Variants in ADGRL4 observed in about 807,000 individuals in gnomAD.
ADGRL4 encodes the protein adhesion G protein-coupled receptor L4.
ADGRL4 carries 90 observed loss-of-function variants against 74.8 expected under a neutral mutation model. That is an observed-to-expected ratio of 1.20 (90% CI 1.02 to 1.43). The LOEUF is 1.43. ADGRL4 is among the 40% of genes most tolerant of loss of function. ADGRL4 has a pLI of 0.00. For missense variants in ADGRL4, 881 were observed against 814.3 expected, an observed-to-expected ratio of 1.08 and a Z score of -1.00; for synonymous variants, 311 against 279.2, an observed-to-expected ratio of 1.11 and a Z score of -1.14.
At chr1:78,911,587 C>T (rs1648763499) in intron 12 of ADGRL4, among the ~76,000 whole-genome samples, 1 of 136,094 alleles carries the variant, frequency 7.3e-6, no homozygotes, top group Non-Finnish European at 1.6e-5. Context: ...GCTACTTATT[C>T]ACTAATATTT....
intron 12 of ADGRL4, among the ~76,000 whole-genome samples, chr1:78,905,312 A>G (rs986394364): frequency 6.6e-6 from 1 of 152,090 alleles, no homozygotes; most frequent in Non-Finnish European, 1.5e-5. Context: ...TTATAGAAAG[A>G]AAGAAATAAC....
In ADGRL4 at chr1:79,004,020, A is replaced by C. The variant is rs115679476; in HGVS notation, c.172+1050T>G. On this transcript the variant is annotated intron_variant, in intron 2 of 14. Transcript: ENST00000370742. ...TTTTTAAATATTCAACCTAATTATG[A>C]TGAAGTTTGGTCTTACTAAACACGG... is the stretch of plus-strand genomic sequence containing the variant. Among the ~76,000 whole-genome samples, 248 of 152,132 alleles carry C rather than the reference A, an allele frequency of 1.6e-3. 1 individual carries two copies. Among genetic ancestry groups the C allele is most frequent in the African/African-American group, 5.7e-3 (238 of 41,540 alleles).
intron 2 of ADGRL4, among the ~76,000 whole-genome samples, chr1:78,970,921 G>C (rs1650154988): frequency 6.6e-6 from 1 of 152,134 alleles, no homozygotes. Context: ...ATGACAAAAG[G>C]GTAAAGTGTT....
intron 12 of ADGRL4, among the ~76,000 whole-genome samples, chr1:78,908,285 C>T (rs1648686964): frequency 6.6e-6 from 1 of 151,956 alleles, no homozygotes; most frequent in Admixed American, 6.6e-5. Flanking sequence ...CTATACTGTG[C>T]TCTTGGCTAA....
At chr1:78,948,875 G>C (rs541488242) in intron 2 of ADGRL4, among the ~76,000 whole-genome samples, 1 of 152,204 alleles carries the variant, frequency 6.6e-6, no homozygotes, top group African/African-American at 2.4e-5. Flanking sequence ...TCTATATTGG[G>C]AAATAAGTAA....
intron 10 of ADGRL4, 106 bp from the exon 11 acceptor site, chr1:78,918,156 A>G (rs1423882432): frequency 3.7e-6 from 3 of 814,572 alleles, no homozygotes; most frequent in Middle Eastern, 2.5e-4. Context: ...TTTATACTAT[A>G]AAGTATGCCA....
chr1:78,890,834 C>T lies in ADGRL4; in HGVS notation c.*320G>A, dbSNP rs566831463. ...AGCCAGTGGTTTCCTTCAGGACATT[C>T]ATATACTTCTCGTGTTAGAAAGAAA... On this transcript the variant is annotated 3_prime_UTR_variant, in exon 15 of 15. Coordinates refer to ENST00000370742, the MANE Select transcript of ADGRL4 (RefSeq NM_022159.4). 6.8e-6 allele frequency: 2 copies of T among 294,354 alleles called. No individual in the cohort carries two copies. Among genetic ancestry groups the T allele is most frequent in the South Asian group, 4.1e-5 (1 of 24,168 alleles). The allele number at this position is 294,354 out of a possible 1,614,324, so 18.2% of individuals were successfully genotyped here.
At chr1:78,920,061 A>G in intron 10 of ADGRL4, 122 bp downstream of exon 10, 2 of 725,196 alleles carry the variant, frequency 2.8e-6, no homozygotes, top group Non-Finnish European at 4.3e-6. Context: ...TAGCTGAAGA[A>G]CAAATTATAG....
At chr1:78,911,229 G>A (rs1648755909) in intron 12 of ADGRL4, among the ~76,000 whole-genome samples, 1 of 151,866 alleles carries the variant, frequency 6.6e-6, no homozygotes, top group South Asian at 2.1e-4. Context: ...TTCCATGTAG[G>A]AATGATTGGG....
intron 2 of ADGRL4, among the ~76,000 whole-genome samples, chr1:78,949,203 T>C (rs1649672784): frequency 6.6e-6 from 1 of 152,048 alleles, no homozygotes; most frequent in South Asian, 2.1e-4. Flanking sequence ...TACAAGAAAA[T>C]GAACCACTTT....
At chr1:78,983,218 T>A (rs1247359939) in intron 2 of ADGRL4, among the ~76,000 whole-genome samples, 1 of 151,764 alleles carries the variant, frequency 6.6e-6, no homozygotes, top group Non-Finnish European at 1.5e-5. Flanking sequence ...AATTTTGCAA[T>A]TAAGCTACAC....
intron 2 of ADGRL4, among the ~76,000 whole-genome samples, chr1:78,956,926 T>C (rs1284871116): frequency 3.3e-5 from 5 of 152,160 alleles, no homozygotes; most frequent in African/African-American, 1.2e-4. Flanking sequence ...TCAAGTCCAT[T>C]GGCATCATTT....
chr1:78,956,645 A>G (rs1649835547), intron 2 of ADGRL4, among the ~76,000 whole-genome samples: 2 of 152,192 alleles, frequency 1.3e-5, no homozygotes, highest in African/African-American at 4.8e-5. Flanking sequence ...ATTTGTCACA[A>G]TGAATAATAA....
At chr1:78,987,646 A>G (rs2100731674) in intron 2 of ADGRL4, among the ~76,000 whole-genome samples, 1 of 151,898 alleles carries the variant, frequency 6.6e-6, no homozygotes, top group Middle Eastern at 3.4e-3. Flanking sequence ...TTGGAACACT[A>G]ATAGTTAGGT....
intron 3 of ADGRL4, among the ~76,000 whole-genome samples, chr1:78,941,739 T>G (rs1038307775): frequency 6.6e-6 from 1 of 152,152 alleles, no homozygotes; most frequent in Non-Finnish European, 1.5e-5. Flanking sequence ...TGCAGCAAGA[T>G]CCACACTAAT....
intron 2 of ADGRL4, among the ~76,000 whole-genome samples, chr1:78,969,681 C>T (rs1439114536): frequency 2.7e-5 from 4 of 149,936 alleles, no homozygotes; most frequent in African/African-American, 9.8e-5. Context: ...TTGCAAATGA[C>T]TCAGTCCTTT....
Position 78,926,885 on chromosome 1 carries a change from C to A in ADGRL4, c.1083+1G>T. 1 of 1,608,224 alleles carries A rather than the reference C, an allele frequency of 6.2e-7. No individual in the cohort carries two copies. Among genetic ancestry groups the A allele is most frequent in the Non-Finnish European group, 8.5e-7 (1 of 1,175,808 alleles). On this transcript the variant is annotated splice_donor_variant, in intron 8 of 14. Transcript: ENST00000370742. LOFTEE classifies it high-confidence loss of function. ...CAATAACTACCAGAAAAACAGCTTA[C>A]CTTTCGATGACTTAATGTAAATGTT...
chr1:78,948,870 A>T (rs897222400), intron 2 of ADGRL4, among the ~76,000 whole-genome samples: 1 of 152,164 alleles, frequency 6.6e-6, no homozygotes, highest in African/African-American at 2.4e-5. Context: ...ATATATCTAT[A>T]TTGGGAAATA....
intron 12 of ADGRL4, among the ~76,000 whole-genome samples, chr1:78,902,245 G>C (rs1446414317): frequency 2.0e-5 from 3 of 152,098 alleles, no homozygotes; most frequent in African/African-American, 7.2e-5. Context: ...TCAAGTGAAT[G>C]ACCACCTCCA....
Sources: gnomAD v4.1 joint callset for allele counts (sites outside exome capture counted in the v4.1 genomes callset) on GRCh38, gnomAD v4.1.1 for gene constraint, MANE v1.5 for transcripts, NCBI Gene and HGNC (gene_info 2026-07-23, HGNC 2026-07-21) for gene names.